The following EPB41L1 variants were observed in gnomAD, a reference collection of about 807,000 sequenced individuals.
EPB41L1 encodes the protein band 4.1-like protein 1.
A neutral mutation model predicts 97.8 loss-of-function variants in EPB41L1; 29 were observed. That is an observed-to-expected ratio of 0.30 (90% CI 0.22 to 0.40). The LOEUF (loss-of-function observed/expected upper bound fraction) is 0.40. EPB41L1 is among the 10% of genes least tolerant of loss of function. The pLI, the probability that EPB41L1 is intolerant of heterozygous loss-of-function variation, is 1.00. For missense variants in EPB41L1, 812 were observed against 1,162.3 expected (o/e 0.70, Z 4.38); for synonymous variants, 383 against 459.2 (o/e 0.83, Z 2.12).
chr20:36,177,860 G>A, intron 3 of EPB41L1, 92 bp from the exon 4 acceptor site: 1 of 1,055,544 alleles, frequency 9.5e-7, no homozygotes, highest in East Asian at 2.4e-5. Context: ...GGCCCTTGGG[G>A]TTTTTGAATT....
chr20:36,104,347 C>T (rs184856628), intron 1 of EPB41L1, among the ~76,000 whole-genome samples: 6 of 152,148 alleles, frequency 3.9e-5, no homozygotes, highest in Admixed American at 6.5e-5. Flanking sequence ...AGGAAGGAGG[C>T]GGGAAAGAGC....
At chr20:36,226,254 C>G (rs1031182113) in intron 21 of EPB41L1, among the ~76,000 whole-genome samples, 8 of 152,194 alleles carry the variant, frequency 5.3e-5, no homozygotes, top group Admixed American at 4.6e-4. Flanking sequence ...AAGCCCTGCC[C>G]TTTATTAGCT....
At chr20:36,176,953 A>G (rs576846109) in intron 3 of EPB41L1, among the ~76,000 whole-genome samples, 1 of 152,218 alleles carries the variant, frequency 6.6e-6, no homozygotes, top group African/African-American at 2.4e-5. Context: ...TTGTCTATAG[A>G]AAGATTTCAC....
chr20:36,194,484 C>T (rs756822754), intron 12 of EPB41L1, 124 bp downstream of exon 12: 69 of 1,281,944 alleles, frequency 5.4e-5, no homozygotes, highest in Non-Finnish European at 7.3e-5. Context: ...TGGAGTGCAC[C>T]ATGGCAGGGC....
Position 36,182,356 on chromosome 20 carries a change from T to C in EPB41L1, c.566+9T>C. 1 of 1,613,910 alleles carries C rather than the reference T, an allele frequency of 6.2e-7. No individual in the cohort carries two copies. The highest frequency in any genetic ancestry group is 8.5e-7 in the Non-Finnish European group (1 of 1,179,834). On this transcript the variant is annotated intron_variant, in intron 6 of 21. Transcript: ENST00000338074. ...ACAGAAGACATCACAAGGTGAGGGC[T>C]GTGGAGGGAGAGACAGGTGTGCTGG... is the stretch of plus-strand genomic sequence containing the variant.
intron 2 of EPB41L1, among the ~76,000 whole-genome samples, chr20:36,147,906 G>C (rs1350160210): frequency 6.6e-6 from 1 of 152,122 alleles, no homozygotes; most frequent in Non-Finnish European, 1.5e-5. Context: ...TGGGTACATG[G>C]CCAGATTTTT....
In EPB41L1 at chr20:36,190,554, G is replaced by A; in HGVS notation, c.1125-68G>A. ...GGAGTAGTGGGATGAAAGGCCAGCTGTGGTCTAACCTTGGGCCTGGCAGTG... is the reference window on the plus strand; with the variant it reads ...GGAGTAGTGGGATGAAAGGCCAGCTATGGTCTAACCTTGGGCCTGGCAGTG... On this transcript the variant is annotated intron_variant, in intron 10 of 21. Coordinates refer to ENST00000338074, the MANE Select transcript of EPB41L1 (RefSeq NM_012156.2). This position sits in a 1 kb window ranked among gnomAD's most constrained non-coding sequence, Gnocchi z 5.8. 6.3e-7 allele frequency: 1 copy of A among 1,598,716 alleles called. No homozygotes were observed. Among genetic ancestry groups the A allele is most frequent in the Non-Finnish European group, 8.6e-7 (1 of 1,168,590 alleles).
chr20:36,107,539 C>G (rs921626043), intron 1 of EPB41L1, among the ~76,000 whole-genome samples: 1 of 131,472 alleles, frequency 7.6e-6, no homozygotes, highest in Non-Finnish European at 1.6e-5. Flanking sequence ...TTTTTTAAAT[C>G]ATAAAGGCGG....
At chr20:36,138,166 T>A (rs1298930434) in intron 2 of EPB41L1, among the ~76,000 whole-genome samples, 1 of 152,274 alleles carries the variant, frequency 6.6e-6, no homozygotes, top group Non-Finnish European at 1.5e-5. Context: ...ATAATGCTGC[T>A]ATGGCCTTGG....
chr20:36,128,098 G>C (rs1482860875), intron 2 of EPB41L1, among the ~76,000 whole-genome samples: 1 of 152,162 alleles, frequency 6.6e-6, no homozygotes, highest in African/African-American at 2.4e-5. Context: ...GAGCCCTGGA[G>C]CTCAGCAGTC....
chr20:36,127,620 A>AT (rs1333279675), intron 2 of EPB41L1, among the ~76,000 whole-genome samples: 4 of 152,168 alleles, frequency 2.6e-5, no homozygotes, highest in Non-Finnish European at 4.4e-5. Context: ...CAATCCTGAC[A>AT]TAGGCAGACT....
chr20:36,178,269 C>A (rs2061332493), intron 4 of EPB41L1, among the ~76,000 whole-genome samples: 1 of 152,222 alleles, frequency 6.6e-6, no homozygotes, highest in Non-Finnish European at 1.5e-5. Context: ...TTAGAGAGCC[C>A]TGGTCTGGCT....
At chr20:36,162,840 A>C (rs184537005) in intron 1 of EPB41L1, among the ~76,000 whole-genome samples, 1 of 152,148 alleles carries the variant, frequency 6.6e-6, no homozygotes, top group African/African-American at 2.4e-5. Context: ...GGGTACTGCA[A>C]ACCTCTGACG....
chr20:36,179,966 A>G (rs187498117), intron 5 of EPB41L1, among the ~76,000 whole-genome samples: 1 of 152,086 alleles, frequency 6.6e-6, no homozygotes, highest in Admixed American at 6.5e-5. Context: ...ATCGGAAAAC[A>G]TATAGGCAGC....
At chr20:36,099,073 A>T (rs1356726313) in intron 1 of EPB41L1, among the ~76,000 whole-genome samples, 1 of 152,078 alleles carries the variant, frequency 6.6e-6, no homozygotes, top group Non-Finnish European at 1.5e-5. Flanking sequence ...GGAGGCTGAG[A>T]CAGGAGAATT....
intron 17 of EPB41L1, among the ~76,000 whole-genome samples, chr20:36,218,308 T>C (rs959277214): frequency 3.2e-4 from 48 of 152,164 alleles, no homozygotes; most frequent in African/African-American, 1.1e-3. Context: ...GCATGTAACA[T>C]CCTTAAAATG....
intron 13 of EPB41L1, among the ~76,000 whole-genome samples, chr20:36,196,776 C>T (rs1167911171): frequency 6.6e-6 from 1 of 152,234 alleles, no homozygotes; most frequent in Non-Finnish European, 1.5e-5. Flanking sequence ...AATTTTTAAG[C>T]AGCCTTGCAG....
At chr20:36,118,856 A>C (rs2058666086) in intron 2 of EPB41L1, among the ~76,000 whole-genome samples, 1 of 152,220 alleles carries the variant, frequency 6.6e-6, no homozygotes, top group Admixed American at 6.5e-5. Context: ...AGCAGCTGTA[A>C]GGAGGACTTA....
In EPB41L1 at chr20:36,231,367, T is replaced by C. The variant is rs2064482527; in HGVS notation, c.*2027T>C. ...TCCTCCTTCTAAACCAGTTAATAAA[T>C]TCATTCCACAAGTATTTACTGATTA... On this transcript the variant is annotated 3_prime_UTR_variant, in exon 22 of 22. Coordinates refer to ENST00000338074, the MANE Select transcript of EPB41L1 (RefSeq NM_012156.2). 2 of 152,210 alleles carry C rather than the reference T, an allele frequency of 1.3e-5. No individual in the cohort carries two copies. The highest frequency in any genetic ancestry group is 2.1e-4 in the South Asian group (1 of 4,830). 9.4% of individuals were successfully genotyped at this position (152,210 alleles called of 1,614,324 possible).
Sources: gnomAD v4.1 joint callset for allele counts (sites outside exome capture counted in the v4.1 genomes callset) on GRCh38, gnomAD v4.1.1 for gene constraint, Gnocchi (gnomAD v3.1) non-coding constraint, MANE v1.5 for transcripts, NCBI Gene and HGNC (gene_info 2026-07-23, HGNC 2026-07-21) for gene names.